SRPK2: variants seen among roughly 807,000 people sequenced by gnomAD.
SRPK2 encodes the protein SRSF protein kinase 2.
SRPK2 carries 21 observed loss-of-function variants against 90.8 expected under a neutral mutation model. The ratio of observed to expected loss-of-function variants is 0.23; its 90% confidence interval spans 0.16 to 0.33. SRPK2 has a LOEUF of 0.33. Ranked by LOEUF, SRPK2 falls within the 10% of genes least tolerant of loss-of-function variation. SRPK2 has a pLI of 1.00. For missense variants in SRPK2, 620 were observed against 869.0 expected (o/e 0.71, Z 3.60); for synonymous variants, 288 against 311.1 (o/e 0.93, Z 0.78).
At chr7:105,303,954 A>G (rs1206738914) in intron 2 of SRPK2, among the ~76,000 whole-genome samples, 5 of 152,234 alleles carry the variant, frequency 3.3e-5, no homozygotes, top group Non-Finnish European at 7.3e-5. Flanking sequence ...AAAAACAGAA[A>G]TATTTTGAGA....
At position 105,333,832 on chromosome 7, in the gene SRPK2, A is replaced by G. The variant is rs185425667; in HGVS notation, c.71+54816T>C. 1.8e-3 allele frequency among the ~76,000 whole-genome samples: 270 copies of G among 152,362 alleles called. 1 individual carries two copies. Among genetic ancestry groups the G allele is most frequent in the Admixed American group, 2.1e-3 (32 of 15,304 alleles). On this transcript the variant is annotated intron_variant, in intron 2 of 15. Transcript: ENST00000393651. ...TGATCTAAATACCAACTAATATACT[A>G]TATTTATACCATTATAACATATAAA... is the stretch of plus-strand genomic sequence containing the variant.
intron 2 of SRPK2, among the ~76,000 whole-genome samples, chr7:105,287,253 T>C (rs1585542022): frequency 1.2e-5 from 1 of 82,298 alleles, no homozygotes; most frequent in Admixed American, 2.1e-4. Flanking sequence ...AGAGCGAGAC[T>C]CCGTCTAAAA....
At chr7:105,119,721 G>A (rs567544552) in intron 15 of SRPK2, among the ~76,000 whole-genome samples, 1 of 152,142 alleles carries the variant, frequency 6.6e-6, no homozygotes, top group Admixed American at 6.6e-5. Flanking sequence ...GAGACTGCAG[G>A]TTTATCCCTC....
chr7:105,157,860 G>C (rs548985017), intron 7 of SRPK2, among the ~76,000 whole-genome samples: 1 of 152,116 alleles, frequency 6.6e-6, no homozygotes, highest in South Asian at 2.1e-4. Context: ...GAGTCCAGGA[G>C]ACAAAGAGAC....
intron 2 of SRPK2, among the ~76,000 whole-genome samples, chr7:105,227,043 A>G (rs753024781): frequency 9.2e-5 from 14 of 152,204 alleles, no homozygotes; most frequent in Non-Finnish European, 1.9e-4. Flanking sequence ...GTGTGTCACC[A>G]GATTACTGGA....
intron 2 of SRPK2, among the ~76,000 whole-genome samples, chr7:105,264,698 G>A (rs535401569): frequency 2.5e-4 from 38 of 152,254 alleles, no homozygotes; most frequent in African/African-American, 5.8e-4. Flanking sequence ...TATCCTTTCC[G>A]TATCTGTTCC....
intron 7 of SRPK2, among the ~76,000 whole-genome samples, chr7:105,149,594 T>C (rs201257332): frequency 2.0e-5 from 3 of 152,216 alleles, no homozygotes; most frequent in Admixed American, 6.5e-5. Flanking sequence ...CTGTGTCTTA[T>C]TTCTTTTCTC....
intron 2 of SRPK2, among the ~76,000 whole-genome samples, chr7:105,237,595 A>C (rs1435331380): frequency 6.6e-6 from 1 of 152,226 alleles, no homozygotes; most frequent in Non-Finnish European, 1.5e-5. Flanking sequence ...TTCTAACTAG[A>C]AAAATGAAAA....
chr7:105,137,737 A>C lies in SRPK2; in HGVS notation c.1543+4271T>G, dbSNP rs563587604. ...AAAAGTGTACCTTCTTTAGCCTGGCATTTAGGTTTCTTCAAGTTCCTCAAA... is the reference window on the plus strand; with the variant it reads ...AAAAGTGTACCTTCTTTAGCCTGGCCTTTAGGTTTCTTCAAGTTCCTCAAA... On this transcript the variant is annotated intron_variant, in intron 11 of 15. Transcript: ENST00000393651. Among the ~76,000 whole-genome samples the C allele has an allele frequency of 2.6e-5, 4 of 152,246 alleles. No homozygotes were observed. In the East Asian group the frequency reaches 7.7e-4, roughly 29 times the overall value.
chr7:105,290,392 G>T (rs1808813259), intron 2 of SRPK2, among the ~76,000 whole-genome samples: 1 of 152,114 alleles, frequency 6.6e-6, no homozygotes, highest in Non-Finnish European at 1.5e-5. Context: ...CTACTACCCA[G>T]AAGGCTGAGG....
At chr7:105,338,160 T>A (rs193296009) in intron 2 of SRPK2, among the ~76,000 whole-genome samples, 3 of 152,132 alleles carry the variant, frequency 2.0e-5, no homozygotes, top group Admixed American at 6.5e-5. Flanking sequence ...AAGTACTAAT[T>A]TGAAATTATT....
At chr7:105,130,674 T>C (rs898418089) in intron 13 of SRPK2, among the ~76,000 whole-genome samples, 1 of 151,458 alleles carries the variant, frequency 6.6e-6, no homozygotes, top group East Asian at 1.9e-4. Flanking sequence ...ATTTTTACAC[T>C]ACAACAGAAC....
At chr7:105,224,712 T>C (rs536176840) in intron 2 of SRPK2, among the ~76,000 whole-genome samples, 2 of 152,352 alleles carry the variant, frequency 1.3e-5, no homozygotes, top group African/African-American at 4.8e-5. Flanking sequence ...TTTCCCCTCA[T>C]CTTCCATTTT....
chr7:105,260,513 C>A (rs1352881989), intron 2 of SRPK2, among the ~76,000 whole-genome samples: 1 of 152,162 alleles, frequency 6.6e-6, no homozygotes, highest in African/African-American at 2.4e-5. Context: ...TACCATTTGA[C>A]CCAGCAATCC....
chr7:105,342,628 C>T (rs1414124708), intron 2 of SRPK2, among the ~76,000 whole-genome samples: 1 of 152,146 alleles, frequency 6.6e-6, no homozygotes, highest in Non-Finnish European at 1.5e-5. Context: ...ACATTAAACT[C>T]AACACATACC....
Position 105,221,964 on chromosome 7 carries a change from C to T in SRPK2, c.72-18179G>A, listed in dbSNP as rs528668453. On this transcript the variant is annotated intron_variant, in intron 2 of 15. Coordinates refer to ENST00000393651, the MANE Select transcript of SRPK2 (RefSeq NM_182692.3). ...TTTTTACCCAGATATAATTTGAGAT[C>T]CCTCTTTTCATAAACATCTTCTCCT... 1.3e-3 allele frequency among the ~76,000 whole-genome samples: 205 copies of T among 152,260 alleles called. 2 individuals are homozygous for T. Among genetic ancestry groups the T allele is most frequent in the Admixed American group, 1.7e-3 (26 of 15,288 alleles).
At chr7:105,249,647 T>C (rs1200131259) in intron 2 of SRPK2, among the ~76,000 whole-genome samples, 1 of 152,228 alleles carries the variant, frequency 6.6e-6, no homozygotes, top group Non-Finnish European at 1.5e-5. Flanking sequence ...TTCTATCTAA[T>C]GTATAAAACA....
intron 2 of SRPK2, among the ~76,000 whole-genome samples, chr7:105,250,277 T>C (rs900046660): frequency 1.5e-4 from 22 of 151,612 alleles, no homozygotes; most frequent in African/African-American, 5.1e-4. Flanking sequence ...GGAGGGGAGG[T>C]TGCAGTGAGC....
At chr7:105,381,188 G>C (rs983752128) in intron 2 of SRPK2, among the ~76,000 whole-genome samples, 1 of 151,876 alleles carries the variant, frequency 6.6e-6, no homozygotes, top group Non-Finnish European at 1.5e-5. Context: ...AGGTTACACT[G>C]AGCCAAGATC....
Sources: allele counts gnomAD v4.1 joint callset (sites outside exome capture counted in the v4.1 genomes callset), GRCh38; gene constraint gnomAD v4.1.1; transcripts MANE v1.5; gene names NCBI Gene and HGNC (gene_info 2026-07-23, HGNC 2026-07-21).